The following PDGFRL variants were observed in gnomAD, a reference collection of about 807,000 sequenced individuals.
The protein encoded by PDGFRL is platelet-derived growth factor receptor-like protein.
In PDGFRL, 46 loss-of-function variants were observed where a neutral mutation model predicts 37.2. That is an observed-to-expected ratio of 1.24 (90% CI 0.98 to 1.58). PDGFRL has a LOEUF of 1.58. Ranked by LOEUF, PDGFRL falls within the 40% of genes most tolerant of loss-of-function variation. The pLI is 0.00. For missense variants in PDGFRL, 692 were observed against 467.6 expected, an observed-to-expected ratio of 1.48 and a Z score of -4.43; for synonymous variants, 251 against 184.3, an observed-to-expected ratio of 1.36 and a Z score of -2.93.
chr8:17,605,014 GGCTGAGGTGGGAGGATT>G (rs1241095569), intron 2 of PDGFRL, among the ~76,000 whole-genome samples: 1 of 152,092 alleles, frequency 6.6e-6, no homozygotes, highest in Non-Finnish European at 1.5e-5. Context: ...CTACCTGGGA[GGCTGAGGTGGGAGGATT>G]GCTTGACTCT....
chr8:17,618,822 A>C (rs1804578469), intron 2 of PDGFRL, among the ~76,000 whole-genome samples: 1 of 152,178 alleles, frequency 6.6e-6, no homozygotes, highest in African/African-American at 2.4e-5. Context: ...TGTACCATCT[A>C]GTGTAATGAC....
At chr8:17,631,334 G>A (rs1401467269) in intron 4 of PDGFRL, among the ~76,000 whole-genome samples, 1 of 152,130 alleles carries the variant, frequency 6.6e-6, no homozygotes, top group African/African-American at 2.4e-5. Context: ...CGTGTGGGCA[G>A]AGTCCATCCC....
At chr8:17,582,206 C>G (rs1030161944) in intron 1 of PDGFRL, among the ~76,000 whole-genome samples, 1 of 152,054 alleles carries the variant, frequency 6.6e-6, no homozygotes, top group Non-Finnish European at 1.5e-5. Context: ...TTTGGAAGGC[C>G]ACACTTAAGA....
intron 2 of PDGFRL, among the ~76,000 whole-genome samples, chr8:17,609,969 C>G (rs559630374): frequency 1.3e-5 from 2 of 152,156 alleles, no homozygotes; most frequent in Non-Finnish European, 2.9e-5. Flanking sequence ...AAAACGTTGG[C>G]AGGAGGGAGA....
chr8:17,594,568 G>T (rs558093560), intron 2 of PDGFRL, among the ~76,000 whole-genome samples: 1 of 134,976 alleles, frequency 7.4e-6, no homozygotes, highest in African/African-American at 2.8e-5. Context: ...TGTTTGTTTT[G>T]TTTTGAGATG....
intron 2 of PDGFRL, among the ~76,000 whole-genome samples, chr8:17,599,725 TCTGA>T (rs1224250036): frequency 5.3e-5 from 8 of 152,188 alleles, no homozygotes; most frequent in African/African-American, 1.9e-4. Context: ...TCTTCATCTC[TCTGA>T]CTTTCAGCTA....
At chr8:17,616,048 G>A (rs1278315696) in intron 2 of PDGFRL, among the ~76,000 whole-genome samples, 1 of 152,212 alleles carries the variant, frequency 6.6e-6, no homozygotes, top group Non-Finnish European at 1.5e-5. Flanking sequence ...AGTCTGAAGA[G>A]TAGGTGAAGC....
At chr8:17,618,214 G>C (rs1214734317) in intron 2 of PDGFRL, among the ~76,000 whole-genome samples, 1 of 151,970 alleles carries the variant, frequency 6.6e-6, no homozygotes, top group African/African-American at 2.4e-5. Flanking sequence ...ACACTACCAT[G>C]CCTGGCTAAT....
intron 1 of PDGFRL, among the ~76,000 whole-genome samples, chr8:17,578,462 CA>C (rs1472981789): frequency 9.2e-5 from 14 of 152,306 alleles, no homozygotes; most frequent in Admixed American, 5.2e-4. Flanking sequence ...AAAACGTAGG[CA>C]GAGCTTCTAC....
At chr8:17,610,217 C>G (rs17124925) in intron 2 of PDGFRL, among the ~76,000 whole-genome samples, 5,341 of 152,216 alleles carry the variant, frequency 0.035, 314 homozygotes, top group African/African-American at 0.12. Flanking sequence ...TGTGAGCGTT[C>G]AGCTGAGCAG....
At chr8:17,601,340 C>G (rs1585310399) in intron 2 of PDGFRL, among the ~76,000 whole-genome samples, 1 of 152,262 alleles carries the variant, frequency 6.6e-6, no homozygotes, top group East Asian at 1.9e-4. Context: ...ACTGAGCCTG[C>G]AGGGGATCTA....
chr8:17,633,976 A>T, intron 4 of PDGFRL, 98 bp from the exon 5 acceptor site: 6 of 1,272,770 alleles, frequency 4.7e-6, no homozygotes, highest in Non-Finnish European at 6.9e-6. Context: ...AGAAAGGCAG[A>T]AAATTCCATC....
intron 1 of PDGFRL, among the ~76,000 whole-genome samples, chr8:17,585,860 A>G (rs940279137): frequency 2.6e-5 from 4 of 152,198 alleles, no homozygotes; most frequent in Admixed American, 1.3e-4. Flanking sequence ...TTCTCAGTTG[A>G]TGATGAATAA....
intron 2 of PDGFRL, among the ~76,000 whole-genome samples, chr8:17,592,426 G>A (rs544745688): frequency 2.0e-5 from 3 of 152,136 alleles, no homozygotes; most frequent in Non-Finnish European, 4.4e-5. Flanking sequence ...ACACTTAAAA[G>A]TCAGAGTTCA....
At chr8:17,578,011 T>C (rs1803624811) in intron 1 of PDGFRL, among the ~76,000 whole-genome samples, 1 of 151,972 alleles carries the variant, frequency 6.6e-6, no homozygotes, top group Admixed American at 6.5e-5. Context: ...GTCCACCCTG[T>C]CGTGTACACC....
chr8:17,610,845 A>T (rs922969752), intron 2 of PDGFRL, among the ~76,000 whole-genome samples: 2 of 151,970 alleles, frequency 1.3e-5, no homozygotes, highest in Non-Finnish European at 2.9e-5. Flanking sequence ...CAGGAGGCAG[A>T]GGTTGCAGTG....
At chr8:17,605,408 T>G (rs1804253060) in intron 2 of PDGFRL, among the ~76,000 whole-genome samples, 1 of 152,220 alleles carries the variant, frequency 6.6e-6, no homozygotes, top group East Asian at 1.9e-4. Context: ...TTAAAAACTT[T>G]GTGTAAGAAT....
intron 5 of PDGFRL, among the ~76,000 whole-genome samples, chr8:17,634,698 C>T (rs55842158): frequency 1.3e-5 from 2 of 152,056 alleles, no homozygotes; most frequent in Non-Finnish European, 2.9e-5. Context: ...GGCCATTATC[C>T]TTAGCAAACT....
At chr8:17,589,984 C>G (rs1303723609) in intron 2 of PDGFRL, among the ~76,000 whole-genome samples, 3 of 151,814 alleles carry the variant, frequency 2.0e-5, no homozygotes, top group Non-Finnish European at 2.9e-5. Context: ...GTAATCCCAG[C>G]ACTTTGGGAG....
Sources: allele counts gnomAD v4.1 joint callset (sites outside exome capture counted in the v4.1 genomes callset), GRCh38; gene constraint gnomAD v4.1.1; transcripts MANE v1.5; gene names NCBI Gene and HGNC (gene_info 2026-07-23, HGNC 2026-07-21).